The following TKTL1 variants were observed in gnomAD, a reference collection of about 807,000 sequenced individuals.
TKTL1 encodes transketolase like 1, also known as transketolase-like protein 1.
TKTL1 carries 1 observed loss-of-function variant against 39.3 expected under a neutral mutation model. That is an observed-to-expected ratio of 0.03 (90% CI 0.01 to 0.12). The LOEUF (loss-of-function observed/expected upper bound fraction) is 0.12, where lower values mean the gene tolerates loss of function less well. Ranked by LOEUF, TKTL1 falls within the 10% of genes least tolerant of loss-of-function variation. The probability of loss-of-function intolerance (pLI) is 1.00; values close to 1 mark genes in which losing one functional copy is unlikely to be tolerated. For synonymous variants in TKTL1, 262 were observed against 193.8 expected, an observed-to-expected ratio of 1.35 and a Z score of -2.92; for missense variants, 575 against 509.6, an observed-to-expected ratio of 1.13 and a Z score of -1.24.
At chrX:154,312,895 G>C (rs1393321320) in intron 6 of TKTL1, 122 bp downstream of exon 6, 1 of 657,417 alleles carries the variant, frequency 1.5e-6, no homozygotes, top group African/African-American at 2.2e-5. Flanking sequence ...CCAATTACTA[G>C]AGTGACATGT....
In TKTL1 at chrX:154,310,978, C is replaced by G. The variant is rs889347298; in HGVS notation, c.493C>G (p.Pro165Ala). Residue 165 changes from proline to alanine, a missense_variant, in exon 4 of 13, where the codon CCC becomes GCC. Pro to Ala is a conservative substitution (Grantham distance 27). Transcript: ENST00000369915. ...CCGCCTGGGACACAGTGGTGCATTG[C>G]CCGCCGAGCACTGCATAAACATCTA... ...VNRLGHSGAL[P>A]AEHCINIYQR... 8.3e-7 allele frequency: 1 copy of G among 1,211,912 alleles called. No homozygotes were observed. The highest frequency in any genetic ancestry group is 1.1e-6 in the Non-Finnish European group (1 of 895,551).
At chrX:154,318,035 T>C (rs1308950193) in intron 7 of TKTL1, among the ~76,000 whole-genome samples, 2 of 112,111 alleles carry the variant, frequency 1.8e-5, no homozygotes, top group Admixed American at 1.9e-4. Context: ...AAACTACATA[T>C]TCGTTGGCCT....
Position 154,309,386 on chromosome X carries a change from A to G in TKTL1, c.294A>G (p.Gln98=), listed in dbSNP as rs782666875. Residue 98 remains glutamine, a synonymous_variant, in exon 3 of 13, where the codon CAA becomes CAG. Transcript: ENST00000369915. ...ATGTGGCAACAGGATGGCTCGGACA[A>G]GGACTGGGAGTTGCATGTGGAATGG... The part of the protein sequence containing the change: ...FVDVATGWLG[Q]GLGVACGMAY... 1 of 1,211,628 alleles carries G rather than the reference A, an allele frequency of 8.3e-7. No homozygotes were observed. Among genetic ancestry groups the G allele is most frequent in the Admixed American group, 2.2e-5 (1 of 46,032 alleles).
chrX:154,310,913 A>C lies in TKTL1; in HGVS notation c.428A>C (p.Tyr143Ser). 8.3e-7 allele frequency: 1 copy of C among 1,211,782 alleles called. No homozygotes were observed. Among genetic ancestry groups the C allele is most frequent in the East Asian group, 3.0e-5 (1 of 33,864 alleles). The change falls in exon 4 of 13, where the codon TAC becomes TCC. Residue 143 changes from tyrosine to serine, a missense_variant. Transcript: ENST00000369915. ...SVWEAMAFAS[Y>S]YSLDNLVAIF... ...TGGGAGGCAATGGCCTTTGCTTCCT[A>C]CTACAGTCTGGACAATCTTGTGGCA...
At chrX:154,303,379 A>ATATT (rs2067289859) in intron 1 of TKTL1, among the ~76,000 whole-genome samples, 1 of 33,674 alleles carries the variant, frequency 3.0e-5, no homozygotes, top group African/African-American at 1.3e-4. Context: ...TGCCCAGCTA[A>ATATT]TTTTTTTTTT....
intron 10 of TKTL1, among the ~76,000 whole-genome samples, chrX:154,326,063 G>T (rs1448604000): frequency 1.2e-4 from 14 of 112,100 alleles, no homozygotes; most frequent in African/African-American, 4.5e-4. Flanking sequence ...CAGATCTAAG[G>T]CCAGGAATAA....
At chrX:154,311,311 C>T (rs2067355939) in intron 5 of TKTL1, 73 bp downstream of exon 5, 1 of 1,172,454 alleles carries the variant, frequency 8.5e-7, no homozygotes. Context: ...GCGGGAGAGG[C>T]TTAGAGGGGC....
At chrX:154,296,916 T>C (rs1050365173) in intron 1 of TKTL1, among the ~76,000 whole-genome samples, 3 of 111,247 alleles carry the variant, frequency 2.7e-5, no homozygotes, top group African/African-American at 9.8e-5. Context: ...CGCGGGAGGC[T>C]GAGAGGCTCA....
Position 154,323,250 on chromosome X carries a change from G to T in TKTL1, c.1230G>T (p.Met410Ile). Reference sequence around the variant, plus strand: ...AGATGGCCCTGGAGGATATAGCCATGTTCCGAACCATTCCCAAGTGCACGA... The same window carrying T: ...AGATGGCCCTGGAGGATATAGCCATTTTCCGAACCATTCCCAAGTGCACGA... ...ASQMALEDIAMFRTIPKCTIF... is the reference protein window; with the variant it reads ...ASQMALEDIAIFRTIPKCTIF... Residue 410 changes from methionine to isoleucine, a missense_variant, in exon 9 of 13, where the codon ATG becomes ATT. Physicochemically the swap from Met to Ile is conservative, Grantham distance 10. Coordinates refer to ENST00000369915, the MANE Select transcript of TKTL1 (RefSeq NM_012253.4). 2 of 1,211,483 alleles carry T rather than the reference G, an allele frequency of 1.7e-6. No individual in the cohort carries two copies. Among genetic ancestry groups the T allele is most frequent in the Non-Finnish European group, 1.1e-6 (1 of 895,371 alleles).
chrX:154,305,074 A>G (rs1467682629), intron 1 of TKTL1: 2 of 1,132,921 alleles, frequency 1.8e-6, no homozygotes, highest in East Asian at 3.6e-5. Context: ...CCCCGAGTCC[A>G]CGGTGCTCTG....
At chrX:154,322,031 A>G (rs2067455092) in intron 8 of TKTL1, among the ~76,000 whole-genome samples, 1 of 110,281 alleles carries the variant, frequency 9.1e-6, no homozygotes, top group Non-Finnish European at 1.9e-5. Flanking sequence ...GCAGTGGCTC[A>G]TGCCTGTAAT....
At chrX:154,306,676 G>T (rs1158373622) in intron 2 of TKTL1, among the ~76,000 whole-genome samples, 1 of 109,647 alleles carries the variant, frequency 9.1e-6, no homozygotes, top group Admixed American at 9.7e-5. Context: ...TCTCGCTCTT[G>T]CCCAGGCTTG....
At chrX:154,299,073 T>C (rs1226660724) in intron 1 of TKTL1, among the ~76,000 whole-genome samples, 1 of 110,149 alleles carries the variant, frequency 9.1e-6, no homozygotes, top group Non-Finnish European at 1.9e-5. Context: ...CTGCTTTTGC[T>C]ACATCACATA....
In TKTL1 at chrX:154,311,100, T is replaced by C. The variant is rs1557168247; in HGVS notation, c.543-11T>C. On this transcript the variant is annotated splice_polypyrimidine_tract_variant and intron_variant, in intron 4 of 12. Coordinates refer to ENST00000369915, the MANE Select transcript of TKTL1 (RefSeq NM_012253.4). ...CATCTCTTGTAACCCAGCCTGCTCC[T>C]CTGTTGGCAGGTGGAACACTTATGT... 8.3e-7 allele frequency: 1 copy of C among 1,211,618 alleles called. No homozygotes were observed. Among genetic ancestry groups the C allele is most frequent in the South Asian group, 1.8e-5 (1 of 57,014 alleles).
chrX:154,304,932 A>G, intron 1 of TKTL1: 2 of 844,488 alleles, frequency 2.4e-6, no homozygotes, highest in Non-Finnish European at 3.2e-6. Context: ...AATTCATTGT[A>G]GAAGGTAGAA....
rs1557169170 is a variant in TKTL1 at position 154,315,333 on chromosome X, A to G, written c.1025A>G (p.Asn342Ser). 3 of 1,208,404 alleles carry G rather than the reference A, an allele frequency of 2.5e-6. No individual in the cohort carries two copies. The highest frequency in any genetic ancestry group is 4.9e-4 in the Middle Eastern group (2 of 4,101). The change falls in exon 7 of 13, where the codon AAC (asparagine) becomes AGC (serine). Residue 342 changes from asparagine to serine, a missense_variant. Physicochemically the swap from Asn to Ser is conservative, Grantham distance 46. Transcript: ENST00000369915. ...ATCGAGTGCTTTATGGCTGAACAAA[A>G]CATGGTGAGTGTGTAGTGTCTCTCA... ...RFIECFMAEQ[N>S]MVSVALGCAS...
At position 154,325,445 on chromosome X, in the gene TKTL1, G is replaced by A. The variant is rs782116877; in HGVS notation, c.1401+23G>A. 10 of 1,150,839 alleles carry A rather than the reference G, an allele frequency of 8.7e-6. No homozygotes were observed. In the South Asian group the frequency reaches 9.1e-5, roughly 10 times the overall value. The allele number at this position is 1,150,839 out of a possible 1,213,427, so 94.8% of individuals were successfully genotyped here. A position where few individuals can be genotyped will look rare whatever the true frequency, so the allele number is the denominator to read the frequency against. On this transcript the variant is annotated intron_variant, in intron 10 of 12. Transcript: ENST00000369915. ...AAGGTAAGGGCTTACGCGCTCCTGC[G>A]TTATTCAGTATCATCTCCTGTAAAA...
intron 2 of TKTL1, among the ~76,000 whole-genome samples, chrX:154,308,073 G>A (rs1436421456): frequency 8.9e-6 from 1 of 112,037 alleles, no homozygotes; most frequent in Non-Finnish European, 1.9e-5. Flanking sequence ...TGGCGCTGAC[G>A]TTTGAGCAGA....
rs182634577 is a variant in TKTL1, at chrX:154,329,770, C to G, written c.*82C>G. On this transcript the variant is annotated 3_prime_UTR_variant, in exon 13 of 13. Coordinates refer to ENST00000369915, the MANE Select transcript of TKTL1 (RefSeq NM_012253.4). ...AAACCATCATTTAAATCTCTACTGT[C>G]ACATTTTGTTTCTTAAAAGCAAAGC... 216 of 1,088,340 alleles carry G rather than the reference C, an allele frequency of 2.0e-4. 4 individuals are homozygous for G. In the East Asian group the frequency reaches 2.0e-3, roughly 10 times the overall value. The allele number at this position is 1,088,340 out of a possible 1,213,427, so 89.7% of individuals were successfully genotyped here.
Sources: allele counts gnomAD v4.1 joint callset (sites outside exome capture counted in the v4.1 genomes callset), GRCh38; gene constraint gnomAD v4.1.1; transcripts MANE v1.5; gene names NCBI Gene and HGNC (gene_info 2026-07-23, HGNC 2026-07-21).